Variants in AXDND1 observed in about 807,000 individuals in gnomAD.
AXDND1 encodes axonemal dynein light chain domain containing 1.
AXDND1 carries 110 observed loss-of-function variants against 137.5 expected under a neutral mutation model. That is an observed-to-expected ratio of 0.80 (90% CI 0.69 to 0.94). AXDND1 has a LOEUF of 0.94. AXDND1 is among the 40% of genes least tolerant of loss of function. AXDND1 has a pLI of 0.00. For missense variants in AXDND1, 1,191 were observed against 1,169.8 expected (o/e 1.02, Z -0.26); for synonymous variants, 414 against 399.7 (o/e 1.04, Z -0.43).
chr1:179,371,796 A>G (rs1245349246), intron 4 of AXDND1, among the ~76,000 whole-genome samples: 1 of 152,228 alleles, frequency 6.6e-6, no homozygotes, highest in Admixed American at 6.5e-5. Flanking sequence ...GAGGAAGGGG[A>G]AAAGCAGCCA....
At chr1:179,381,943 A>ATTTTTT (rs71111920) in intron 6 of AXDND1, among the ~76,000 whole-genome samples, 6 of 105,444 alleles carry the variant, frequency 5.7e-5, no homozygotes, top group Non-Finnish European at 1.1e-4. Flanking sequence ...ACCACACCTA[A>ATTTTTT]TTTTTTTTTT....
At chr1:179,497,235 C>A (rs1230471446) in intron 20 of AXDND1, among the ~76,000 whole-genome samples, 1 of 152,026 alleles carries the variant, frequency 6.6e-6, no homozygotes, top group African/African-American at 2.4e-5. Context: ...GATTTTCTGT[C>A]TACTTGATCC....
At chr1:179,535,108 C>T (rs1187061345) in intron 25 of AXDND1, 146 bp downstream of exon 25, 1 of 1,229,066 alleles carries the variant, frequency 8.1e-7, no homozygotes, top group Non-Finnish European at 1.2e-6. Context: ...ATATTTTAAT[C>T]ACATAACCAT....
chr1:179,418,438 CT>C (rs1159527946), intron 12 of AXDND1, among the ~76,000 whole-genome samples: 1 of 152,246 alleles, frequency 6.6e-6, no homozygotes, highest in Non-Finnish European at 1.5e-5. Context: ...TTTTCCCCAC[CT>C]TTTCCCCCTT....
At chr1:179,481,227 T>TG (rs1665336920) in intron 17 of AXDND1, among the ~76,000 whole-genome samples, 1 of 152,126 alleles carries the variant, frequency 6.6e-6, no homozygotes, top group Non-Finnish European at 1.5e-5. Flanking sequence ...AGTGAGAACA[T>TG]GCGATGTTTG....
intron 18 of AXDND1, among the ~76,000 whole-genome samples, chr1:179,490,132 A>G (rs1169016136): frequency 6.6e-6 from 1 of 152,172 alleles, no homozygotes; most frequent in African/African-American, 2.4e-5. Flanking sequence ...GTATGCAGGG[A>G]TAAGTTGATG....
rs544795432 is a variant in AXDND1, at chr1:179,532,470, T to G, written c.2716-1325T>G. Among the ~76,000 whole-genome samples, 4 of 152,272 alleles carry G rather than the reference T, an allele frequency of 2.6e-5. No individual in the cohort carries two copies. The East Asian group carries it at 7.7e-4, about 29-fold the overall frequency. ...GGCGGGCACAGCCACACCACATACC[T>G]TAGGTTCAGGGTGAAAAATGATAGT... On this transcript the variant is annotated intron_variant, in intron 23 of 25. Coordinates refer to ENST00000367618, the MANE Select transcript of AXDND1 (RefSeq NM_144696.6).
rs749525444 is a variant in AXDND1 at position 179,369,987 on chromosome 1, C to T, written c.283C>T (p.Arg95Cys). The T allele has an allele frequency of 1.9e-5, 30 of 1,613,554 alleles. No homozygotes were observed. Among genetic ancestry groups the T allele is most frequent in the East Asian group, 4.5e-5 (2 of 44,884 alleles). The part of the protein sequence containing the change: ...KIKTPKGTLP[R>C]LVDHVWHHPV... ...TGCTTTTTCCCAGGGCACTCTTCCA[C>T]GCCTTGTAGACCATGTCTGGCATCA... Residue 95 changes from arginine to cysteine, a missense_variant, in exon 4 of 26, where the codon CGC (arginine) becomes TGC (cysteine). By Grantham distance (180) the Arg-to-Cys change is radical. Transcript: ENST00000367618.
intron 9 of AXDND1, among the ~76,000 whole-genome samples, chr1:179,386,839 C>T (rs1461025906): frequency 6.6e-6 from 1 of 152,092 alleles, no homozygotes. Flanking sequence ...ATCCGCCTAC[C>T]TCAGCCTCCT....
chr1:179,410,393 G>A (rs1653691006), intron 11 of AXDND1, among the ~76,000 whole-genome samples: 1 of 152,140 alleles, frequency 6.6e-6, no homozygotes, highest in African/African-American at 2.4e-5. Flanking sequence ...ACCACACCTG[G>A]CTAATTTTTG....
chr1:179,386,274 T>C lies in AXDND1; in HGVS notation c.863+915T>C, dbSNP rs1365814373. ...CATGTTGGTCAGGCTGGTCTCGAAC[T>C]CCTGACCTCGTGATCTGCCTGCCTT... On this transcript the variant is annotated intron_variant, in intron 9 of 25. Coordinates refer to ENST00000367618, the MANE Select transcript of AXDND1 (RefSeq NM_144696.6). Among the ~76,000 whole-genome samples, 4 of 152,080 alleles carry C rather than the reference T, an allele frequency of 2.6e-5. No homozygotes were observed. In the South Asian group the frequency reaches 8.3e-4, roughly 32 times the overall value.
chr1:179,401,596 C>T lies in AXDND1; in HGVS notation c.1109+6394C>T, dbSNP rs189098210. Among the ~76,000 whole-genome samples the T allele has an allele frequency of 7.4e-4, 113 of 152,158 alleles. 1 individual carries two copies. Among genetic ancestry groups the T allele is most frequent in the African/African-American group, 2.7e-3 (111 of 41,508 alleles). On this transcript the variant is annotated intron_variant, in intron 11 of 25. Coordinates refer to ENST00000367618, the MANE Select transcript of AXDND1 (RefSeq NM_144696.6). ...ATAATATGGTTTGGCTGTGTCCCCA[C>T]CCAAATATTGTCTTAAATTTTAGCT...
Position 179,525,355 on chromosome 1 carries a change from G to A in AXDND1, c.2518G>A (p.Glu840Lys). Residue 840 changes from glutamate to lysine, a missense_variant, in exon 22 of 26, where the codon GAG becomes AAG. By Grantham distance (56) the Glu-to-Lys change is moderately conservative (BLOSUM62 1). Coordinates refer to ENST00000367618, the MANE Select transcript of AXDND1 (RefSeq NM_144696.6). ...LEEEAVKEFIEPEIDESFKED... is the reference protein window; with the variant it reads ...LEEEAVKEFIKPEIDESFKED... ...ACAGGAGGCTGTAAAAGAATTCATT[G>A]AGCCTGAAATAGACGAGTCTTTTAA... 2 of 1,611,346 alleles carry A rather than the reference G, an allele frequency of 1.2e-6. No individual in the cohort carries two copies. Among genetic ancestry groups the A allele is most frequent in the South Asian group, 1.1e-5 (1 of 90,826 alleles).
At chr1:179,419,715 T>C (rs905067880) in intron 12 of AXDND1, among the ~76,000 whole-genome samples, 5 of 151,756 alleles carry the variant, frequency 3.3e-5, no homozygotes, top group African/African-American at 9.7e-5. Context: ...ATTGCTATTT[T>C]AAATAGAGCT....
Position 179,430,375 on chromosome 1 carries a change from A to G in AXDND1, c.1333-77A>G, listed in dbSNP as rs78764201. ...TTTCTCTAGTATTACAATATTAATA[A>G]TGGCCTGGTATATGTTAATGACTAT... On this transcript the variant is annotated intron_variant, in intron 13 of 25. Transcript: ENST00000367618. 4,566 of 1,102,032 alleles carry G rather than the reference A, an allele frequency of 4.1e-3. 104 individuals are homozygous for G. In the African/African-American group the frequency reaches 0.059, roughly 14 times the overall value. 68.3% of individuals were successfully genotyped at this position (1,102,032 alleles called of 1,614,324 possible).
At chr1:179,368,051 T>A (rs2125036116) in intron 2 of AXDND1, among the ~76,000 whole-genome samples, 1 of 151,422 alleles carries the variant, frequency 6.6e-6, no homozygotes, top group East Asian at 1.9e-4. Context: ...CTTTTGATAG[T>A]AATCAAAGCA....
chr1:179,464,217 C>T (rs1407547748), intron 16 of AXDND1, among the ~76,000 whole-genome samples: 3 of 152,178 alleles, frequency 2.0e-5, no homozygotes, highest in Admixed American at 6.5e-5. Context: ...CATCAATGGT[C>T]GTTACAATTT....
chr1:179,378,737 G>T lies in AXDND1; in HGVS notation c.475G>T (p.Gly159Cys). The T allele has an allele frequency of 6.4e-7, 1 of 1,573,086 alleles. No individual in the cohort carries two copies. Among genetic ancestry groups the T allele is most frequent in the Non-Finnish European group, 8.6e-7 (1 of 1,157,464 alleles). ...HLARSLQSHD[G>C]VIVPHKPKTL... The stretch of plus-strand genomic sequence containing the variant: ...GGCCCGTTCATTACAGTCACATGAT[G>T]GTGTCATTGTGCCCCATAAGGTAAA... The change falls in exon 5 of 26, where the codon GGT (glycine) becomes TGT (cysteine). Residue 159 changes from glycine to cysteine, a missense_variant. Transcript: ENST00000367618.
intron 12 of AXDND1, among the ~76,000 whole-genome samples, chr1:179,414,643 T>C (rs1034224001): frequency 6.6e-6 from 1 of 152,072 alleles, no homozygotes; most frequent in African/African-American, 2.4e-5. Context: ...GCCAGGATGG[T>C]CTCGATCTCC....
Sources: allele counts gnomAD v4.1 joint callset (sites outside exome capture counted in the v4.1 genomes callset), GRCh38; gene constraint gnomAD v4.1.1; transcripts MANE v1.5; gene names NCBI Gene and HGNC (gene_info 2026-07-23, HGNC 2026-07-21).